Variants in XYLT1 observed in about 807,000 individuals in gnomAD.
The protein encoded by XYLT1 is xylosyltransferase 1.
Under a neutral mutation model 91.3 loss-of-function variants are expected in XYLT1, and 36 were observed. The ratio of observed to expected loss-of-function variants is 0.39; its 90% CI spans 0.30 to 0.52. XYLT1 has a LOEUF of 0.52. Among genes scored for constraint, XYLT1 ranks in the 20% least tolerant of loss-of-function variants. The pLI is 0.68. For missense variants in XYLT1, 1,242 were observed against 1,284.5 expected, an observed-to-expected ratio of 0.97 and a Z score of 0.51; for synonymous variants, 588 against 532.0, an observed-to-expected ratio of 1.11 and a Z score of -1.45.
At chr16:17,327,072 G>A (rs2034815540) in intron 2 of XYLT1, among the ~76,000 whole-genome samples, 1 of 152,174 alleles carries the variant, frequency 6.6e-6, no homozygotes, top group Non-Finnish European at 1.5e-5. Context: ...AAGTTCTGAG[G>A]AGCTAATGGA....
chr16:17,161,092 T>C (rs2031538864), intron 5 of XYLT1, among the ~76,000 whole-genome samples: 1 of 152,168 alleles, frequency 6.6e-6, no homozygotes, highest in South Asian at 2.1e-4. Flanking sequence ...GGCCCCCTTC[T>C]CGTGAAGCCT....
chr16:17,320,530 A>C (rs979048772), intron 2 of XYLT1, among the ~76,000 whole-genome samples: 2 of 143,772 alleles, frequency 1.4e-5, no homozygotes, highest in South Asian at 2.2e-4. Flanking sequence ...ACCAGGCTGC[A>C]GTGCAGTGGT....
At chr16:17,223,630 G>C (rs903433892) in intron 3 of XYLT1, among the ~76,000 whole-genome samples, 3 of 152,230 alleles carry the variant, frequency 2.0e-5, no homozygotes, top group Non-Finnish European at 2.9e-5. Context: ...GGAGATAGTG[G>C]AGTCAGATGG....
In XYLT1 at chr16:17,117,709, C is replaced by G. The variant is rs1280725320; in HGVS notation, c.2494G>C (p.Val832Leu). The change falls in exon 11 of 12, where the codon GTT (valine) becomes CTT (leucine). Residue 832 changes from valine to leucine, a missense_variant. Physicochemically the swap from Val to Leu is conservative, Grantham distance 32. Around this residue, in one of 3 missense-constraint regions of XYLT1, gnomAD observed 511 missense variants for 497.0 expected, o/e 1.03. Transcript: ENST00000261381. The part of the protein sequence containing the change: ...TVKILHHWVP[V>L]AETKFLVAPL... ...GCAACGAGGAATTTGGTCTCTGCAA[C>G]TGGCACCCAGTGGTGGAGAATTTTC... 1.2e-6 allele frequency: 2 copies of G among 1,614,234 alleles called. No individual in the cohort carries two copies. The highest frequency in any genetic ancestry group is 1.1e-5 in the South Asian group (1 of 91,084).
At chr16:17,153,745 G>A (rs1170363257) in intron 6 of XYLT1, among the ~76,000 whole-genome samples, 1 of 152,148 alleles carries the variant, frequency 6.6e-6, no homozygotes. Context: ...GGACCCAAAA[G>A]AATCCCCCAT....
intron 1 of XYLT1, among the ~76,000 whole-genome samples, chr16:17,468,562 C>G (rs1336422171): frequency 6.6e-6 from 1 of 152,132 alleles, no homozygotes; most frequent in African/African-American, 2.4e-5. Context: ...CCTCCCCAAC[C>G]GCAGATCTCT....
At chr16:17,303,078 T>C (rs73529385) in intron 2 of XYLT1, among the ~76,000 whole-genome samples, 4,794 of 151,020 alleles carry the variant, frequency 0.032, 301 homozygotes, top group African/African-American at 0.11. Context: ...GACAGACCAC[T>C]CACTGATTCC....
intron 3 of XYLT1, among the ~76,000 whole-genome samples, chr16:17,216,474 C>G (rs1229042925): frequency 6.6e-6 from 1 of 152,182 alleles, no homozygotes; most frequent in African/African-American, 2.4e-5. Flanking sequence ...TGATCATAAA[C>G]CATAAATATG....
chr16:17,175,986 A>C (rs2031933329), intron 5 of XYLT1, among the ~76,000 whole-genome samples: 1 of 151,870 alleles, frequency 6.6e-6, no homozygotes, highest in African/African-American at 2.4e-5. Context: ...AAACCCCTCC[A>C]CTGGTCCTCA....
intron 1 of XYLT1, among the ~76,000 whole-genome samples, chr16:17,382,472 A>C (rs1295182886): frequency 6.6e-6 from 1 of 151,864 alleles, no homozygotes; most frequent in Non-Finnish European, 1.5e-5. Context: ...AAGATTACTG[A>C]ATTTCAGTGT....
chr16:17,324,372 C>T (rs750808361), intron 2 of XYLT1, among the ~76,000 whole-genome samples: 3 of 152,140 alleles, frequency 2.0e-5, no homozygotes, highest in East Asian at 1.9e-4. Context: ...TAGGAGCCAG[C>T]GCCTGTCCCT....
chr16:17,380,287 CTAAA>C (rs1283143623), intron 1 of XYLT1, among the ~76,000 whole-genome samples: 1 of 151,978 alleles, frequency 6.6e-6, no homozygotes, highest in Non-Finnish European at 1.5e-5. Flanking sequence ...GAATCTGTCT[CTAAA>C]TAAATAAATA....
chr16:17,238,052 G>A (rs148088416), intron 3 of XYLT1, among the ~76,000 whole-genome samples: 129 of 152,286 alleles, frequency 8.5e-4, no homozygotes, highest in Middle Eastern at 3.4e-3. Context: ...CAGGCTGGGG[G>A]ATTTTTATCA....
At chr16:17,391,064 AC>A (rs2035813240) in intron 1 of XYLT1, among the ~76,000 whole-genome samples, 2 of 152,082 alleles carry the variant, frequency 1.3e-5, no homozygotes. Flanking sequence ...AAACAAACAA[AC>A]AAAAAACCTG....
chr16:17,236,030 C>G lies in XYLT1; in HGVS notation c.913+22958G>C, dbSNP rs142502455. On this transcript the variant is annotated intron_variant, in intron 3 of 11. Transcript: ENST00000261381. ...TACAGGAGTGCGCCACCACACCCAGCTAATTTTTGTATTTTTAGTAGAGAC... is the reference window on the plus strand; with the variant it reads ...TACAGGAGTGCGCCACCACACCCAGGTAATTTTTGTATTTTTAGTAGAGAC... 4.3e-3 allele frequency among the ~76,000 whole-genome samples: 648 copies of G among 152,186 alleles called. 4 individuals carry two copies. Among genetic ancestry groups the G allele is most frequent in the Middle Eastern group, 0.024 (7 of 294 alleles).
intron 2 of XYLT1, among the ~76,000 whole-genome samples, chr16:17,272,401 T>C (rs2033910978): frequency 6.6e-6 from 1 of 152,026 alleles, no homozygotes; most frequent in African/African-American, 2.4e-5. Context: ...TGACCTCAAG[T>C]GATCTGCCTC....
chr16:17,260,798 T>G (rs1260978578), intron 2 of XYLT1, among the ~76,000 whole-genome samples: 3 of 152,224 alleles, frequency 2.0e-5, no homozygotes, highest in Non-Finnish European at 4.4e-5. Context: ...AAGCTTAAAA[T>G]ATTTCTATCC....
In XYLT1 at chr16:17,335,262, C is replaced by T. The variant is rs1009330352; in HGVS notation, c.402+22750G>A. On this transcript the variant is annotated intron_variant, in intron 2 of 11. Transcript: ENST00000261381. ...TAACAAACAAAAAAAAAACTACCTA[C>T]TGGCCACCTGGAACAAGGGTTAACC... Among the ~76,000 whole-genome samples, 3 of 151,974 alleles carry T rather than the reference C, an allele frequency of 2.0e-5. No individual in the cohort carries two copies. The East Asian group carries it at 5.8e-4, about 29-fold the overall frequency.
At chr16:17,439,956 T>G (rs2036511829) in intron 1 of XYLT1, among the ~76,000 whole-genome samples, 1 of 152,216 alleles carries the variant, frequency 6.6e-6, no homozygotes, top group South Asian at 2.1e-4. Flanking sequence ...TATTCCACAT[T>G]CAAGGTTTGG....
Sources: gnomAD v4.1 joint callset for allele counts (sites outside exome capture counted in the v4.1 genomes callset) on GRCh38, gnomAD v4.1.1 for gene constraint, gnomAD v4.1.1 regional missense constraint, MANE v1.5 for transcripts, NCBI Gene and HGNC (gene_info 2026-07-23, HGNC 2026-07-21) for gene names.